The following TPCN1 variants were observed in gnomAD, a reference collection of about 807,000 sequenced individuals.
The protein encoded by TPCN1 is two pore segment channel 1, also known as two pore channel protein 1.
In TPCN1, 52 loss-of-function variants were observed where a neutral mutation model predicts 108.8. The ratio of observed to expected loss-of-function variants is 0.48; its 90% CI spans 0.38 to 0.60. The LOEUF (loss-of-function observed/expected upper bound fraction) is 0.60. Ranked by LOEUF, TPCN1 falls within the 20% of genes least tolerant of loss-of-function variation. The pLI is 0.00. For missense variants in TPCN1, 806 were observed against 1,072.8 expected (o/e 0.75, Z 3.47); for synonymous variants, 446 against 433.7 (o/e 1.03, Z -0.35).
chr12:113,293,484 C>G lies in TPCN1; in HGVS notation c.2334+135C>G, dbSNP rs115611969. 1,141 of 878,284 alleles carry G rather than the reference C, an allele frequency of 1.3e-3. 4 individuals are homozygous for G. In the African/African-American group the frequency reaches 0.017, roughly 13 times the overall value. The allele number at this position is 878,284 out of a possible 1,614,324, so 54.4% of individuals were successfully genotyped here. On this transcript the variant is annotated intron_variant, in intron 27 of 27. Transcript: ENST00000335509. ...TGCAGACCGTCCATCGGGACCACTG[C>G]TGGGGTTGTGTGGGACCTGAGCGGG...
rs777651462 is a variant in TPCN1, at chr12:113,291,894, C to T, written c.2049C>T (p.Val683=). 1.7e-5 allele frequency: 27 copies of T among 1,586,510 alleles called. No individual in the cohort carries two copies. Among genetic ancestry groups the T allele is most frequent in the South Asian group, 3.3e-5 (3 of 90,656 alleles). The part of the protein sequence containing the change: ...IVTMVVMTII[V]AFILEAFVFR... ...GCCAGGTGGTGATGACGATCATTGTCGCCTTTATCCTCGAGGCCTTCGTCT... is the reference window on the plus strand; with the variant it reads ...GCCAGGTGGTGATGACGATCATTGTTGCCTTTATCCTCGAGGCCTTCGTCT... The change falls in exon 25 of 28, where the codon GTC becomes GTT. Residue 683 remains valine (V), a synonymous_variant. Transcript: ENST00000335509.
In TPCN1 at chr12:113,279,359, G is replaced by GTATA. The variant is rs1186995627; in HGVS notation, c.1297+554_1297+557dup. ...TGTGTATATATATGTGTGTGTGTGT[G>GTATA]TATATATATATATATATATATATAT... is the stretch of plus-strand genomic sequence containing the variant. On this transcript the variant is annotated intron_variant, in intron 14 of 27. Transcript: ENST00000335509. 2.4e-3 allele frequency among the ~76,000 whole-genome samples: 99 copies of GTATA among 40,990 alleles called. 4 individuals carry two copies. The highest frequency in any genetic ancestry group is 3.1e-3 in the South Asian group (2 of 654). The allele number at this position is 40,990 out of a possible 152,430, so 26.9% of individuals were successfully genotyped here.
intron 2 of TPCN1, among the ~76,000 whole-genome samples, chr12:113,236,012 G>C (rs141463654): frequency 1.0e-3 from 153 of 152,302 alleles, no homozygotes; most frequent in African/African-American, 3.6e-3. Context: ...CAAATCTTGA[G>C]GGTCTCCTTG....
chr12:113,291,799 C>G, intron 24 of TPCN1, 75 bp from the exon 25 acceptor site: 1 of 1,563,056 alleles, frequency 6.4e-7, no homozygotes, highest in African/African-American at 1.4e-5. Context: ...CTCTGTTGGG[C>G]GTGGGCTGCG....
rs1438960098 is a variant in TPCN1 at position 113,296,087 on chromosome 12, G to A, written c.*11G>A. On this transcript the variant is annotated 3_prime_UTR_variant, in exon 28 of 28. Coordinates refer to ENST00000335509, the MANE Select transcript of TPCN1 (RefSeq NM_017901.6). ...CAGACCGTTACCTAGCCCAGCGCCC[G>A]AAAGCCGTCTCTTCTATGCAATAAC... 13 of 1,612,090 alleles carry A rather than the reference G, an allele frequency of 8.1e-6. No homozygotes were observed. The highest frequency in any genetic ancestry group is 3.3e-5 in the South Asian group (3 of 90,978).
chr12:113,277,491 T>C, intron 12 of TPCN1, 127 bp downstream of exon 12: 1 of 1,133,276 alleles, frequency 8.8e-7, no homozygotes, highest in South Asian at 1.4e-5. Flanking sequence ...CCTCCACAGA[T>C]GTTTATCCAT....
At chr12:113,264,098 G>A (rs899451585) in intron 3 of TPCN1, among the ~76,000 whole-genome samples, 3 of 151,928 alleles carry the variant, frequency 2.0e-5, no homozygotes, top group Non-Finnish European at 4.4e-5. Flanking sequence ...ATTGAAACCA[G>A]AAGCTCCCCA....
At chr12:113,226,180 C>G (rs1953464274) in intron 1 of TPCN1, among the ~76,000 whole-genome samples, 1 of 151,588 alleles carries the variant, frequency 6.6e-6, no homozygotes, top group Non-Finnish European at 1.5e-5. Context: ...CACAGCCTTC[C>G]AAAATGCTGG....
At chr12:113,235,541 C>G (rs1464447768) in intron 2 of TPCN1, among the ~76,000 whole-genome samples, 2 of 151,348 alleles carry the variant, frequency 1.3e-5, no homozygotes, top group Non-Finnish European at 2.9e-5. Context: ...GATTTAATAG[C>G]TGGTCTTCTT....
chr12:113,293,319 G>A lies in TPCN1; in HGVS notation c.2304G>A (p.Leu768=), dbSNP rs1227884545. ...GGCGATCAAGGACCAAGAGCGACCT[G>A]AGCCTGAAGATGTACCAGGAGGAGA... The part of the protein sequence containing the change: ...LGRRSRTKSD[L]SLKMYQEEIQ... Residue 768 remains leucine, a synonymous_variant, in exon 27 of 28, where the codon CTG becomes CTA. Transcript: ENST00000335509. 1.2e-6 allele frequency: 2 copies of A among 1,614,126 alleles called. No homozygotes were observed. Among genetic ancestry groups the A allele is most frequent in the Admixed American group, 1.7e-5 (1 of 60,032 alleles).
At chr12:113,258,782 T>TA (rs1954912875) in intron 2 of TPCN1, among the ~76,000 whole-genome samples, 1 of 151,978 alleles carries the variant, frequency 6.6e-6, no homozygotes, top group Admixed American at 6.6e-5. Flanking sequence ...TCTTGTGTCT[T>TA]AAAAAAAGCA....
rs758060962 is a variant in TPCN1, at chr12:113,290,983, C to T, written c.1944C>T (p.Asn648=). ...VTLFELTVVN[N]WYIIMEGVTS... is the part of the protein sequence containing the mutation. ...TGTTTGAGCTCACAGTTGTCAACAACTGGTACATCATCATGGTAAGAGCTC... is the reference window on the plus strand; with the variant it reads ...TGTTTGAGCTCACAGTTGTCAACAATTGGTACATCATCATGGTAAGAGCTC... The change falls in exon 23 of 28, where the codon AAC becomes AAT. Residue 648 remains asparagine (N), a synonymous_variant. Coordinates refer to ENST00000335509, the MANE Select transcript of TPCN1 (RefSeq NM_017901.6). 1.1e-5 allele frequency: 18 copies of T among 1,613,744 alleles called. No homozygotes were observed. The South Asian group carries it at 1.4e-4, about 13-fold the overall frequency.
chr12:113,234,681 A>C (rs1467666248), intron 2 of TPCN1, among the ~76,000 whole-genome samples: 1 of 152,180 alleles, frequency 6.6e-6, no homozygotes, highest in South Asian at 2.1e-4. Flanking sequence ...ACAAGATTGT[A>C]GCAAAAAATT....
At chr12:113,286,931 C>T in intron 18 of TPCN1, 56 bp from the exon 19 acceptor site, 4 of 1,298,306 alleles carry the variant, frequency 3.1e-6, no homozygotes, top group Non-Finnish European at 3.3e-6. Context: ...GGGAGGGGAG[C>T]AGGCGCAGGT....
rs1170764261 is a variant in TPCN1 at position 113,277,281 on chromosome 12, G to A, written c.1101G>A (p.Met367Ile). Reference protein sequence around the residue: ...GISYRQFEGLMRFYKPRMSAR... With the variant: ...GISYRQFEGLIRFYKPRMSAR... ...CCTACAGGCAGTTTGAAGGCCTCATGCGCTTCTACAAGCCCCGGATGAGTG... is the reference window on the plus strand; with the variant it reads ...CCTACAGGCAGTTTGAAGGCCTCATACGCTTCTACAAGCCCCGGATGAGTG... Residue 367 changes from methionine (M) to isoleucine (I), a missense_variant, in exon 12 of 28, where the codon ATG (methionine) becomes ATA (isoleucine). Met to Ile is a conservative substitution (Grantham distance 10, BLOSUM62 1). Coordinates refer to ENST00000335509, the MANE Select transcript of TPCN1 (RefSeq NM_017901.6). 6.2e-7 allele frequency: 1 copy of A among 1,614,120 alleles called. No individual in the cohort carries two copies. The highest frequency in any genetic ancestry group is 1.3e-5 in the African/African-American group (1 of 75,062).
intron 15 of TPCN1, among the ~76,000 whole-genome samples, chr12:113,282,350 C>T (rs1955915704): frequency 6.6e-6 from 1 of 151,872 alleles, no homozygotes; most frequent in Non-Finnish European, 1.5e-5. Flanking sequence ...GCCTCGGCCT[C>T]CCAAAGTGCT....
chr12:113,243,295 G>A (rs1446882720), intron 2 of TPCN1, among the ~76,000 whole-genome samples: 6 of 152,260 alleles, frequency 3.9e-5, no homozygotes, highest in Admixed American at 1.3e-4. Context: ...ACTTGAACCC[G>A]GGAGATGGAG....
At chr12:113,262,542 A>G (rs1296158322) in intron 3 of TPCN1, among the ~76,000 whole-genome samples, 5 of 152,332 alleles carry the variant, frequency 3.3e-5, no homozygotes, top group South Asian at 2.1e-4. Context: ...TTAAGGCAAC[A>G]GAATGTTTTA....
rs567745652 is a variant in TPCN1, at chr12:113,232,972, G to A, written c.112+6008G>A. Among the ~76,000 whole-genome samples, 3 of 152,352 alleles carry A rather than the reference G, an allele frequency of 2.0e-5. No individual in the cohort carries two copies. In the South Asian group the frequency reaches 6.2e-4, roughly 32 times the overall value. ...GGCTCCCACCGAGCTTGGGCATTTG[G>A]CTCCGCTGGAGTCATTCCCCTGGCT... On this transcript the variant is annotated intron_variant, in intron 2 of 27. Transcript: ENST00000335509. The surrounding 1 kb of genome is among the most constrained non-coding windows in gnomAD (Gnocchi z 5.6).
Sources: allele counts gnomAD v4.1 joint callset (sites outside exome capture counted in the v4.1 genomes callset), GRCh38; gene constraint gnomAD v4.1.1; non-coding constraint Gnocchi (gnomAD v3.1); transcripts MANE v1.5; gene names NCBI Gene and HGNC (gene_info 2026-07-23, HGNC 2026-07-21).